The following NT5M variants were observed in gnomAD, a reference collection of about 807,000 sequenced individuals.
The protein encoded by NT5M is 5',3'-nucleotidase, mitochondrial, also known as 5'(3')-deoxyribonucleotidase, mitochondrial.
In NT5M, 22 loss-of-function variants were observed where a neutral mutation model predicts 22.2. That is an observed-to-expected ratio of 0.99 (90% CI 0.71 to 1.41). The LOEUF is 1.41. Ranked by LOEUF, NT5M falls within the 40% of genes most tolerant of loss-of-function variation. The pLI is 0.00. For missense variants in NT5M, 322 were observed against 314.8 expected, an observed-to-expected ratio of 1.02 and a Z score of -0.17; for synonymous variants, 167 against 133.0, an observed-to-expected ratio of 1.26 and a Z score of -1.76.
chr17:17,323,828 T>G (rs1295770565), intron 3 of NT5M, among the ~76,000 whole-genome samples: 1 of 152,148 alleles, frequency 6.6e-6, no homozygotes, highest in African/African-American at 2.4e-5. Flanking sequence ...CGTCAAACCT[T>G]CAGGCATGAG....
In NT5M at chr17:17,340,528, C is replaced by CT. The variant is rs566501477; in HGVS notation, c.430-4256dup. Reference sequence around the variant, plus strand: ...TTATTTCTTTTCTTTCCTTTCTTTTCTTTTTTTTTTAATTTTGAGATGGAG... The same window carrying CT: ...TTATTTCTTTTCTTTCCTTTCTTTTCTTTTTTTTTTTAATTTTGAGATGGAG... On this transcript the variant is annotated intron_variant, in intron 3 of 4. Coordinates refer to ENST00000389022, the MANE Select transcript of NT5M (RefSeq NM_020201.4). Among the ~76,000 whole-genome samples, 486 of 146,846 alleles carry CT rather than the reference C, an allele frequency of 3.3e-3. 8 individuals carry two copies. In the South Asian group the frequency reaches 0.046, roughly 14 times the overall value.
chr17:17,326,447 C>A (rs1379426780), intron 3 of NT5M, among the ~76,000 whole-genome samples: 1 of 152,200 alleles, frequency 6.6e-6, no homozygotes, highest in Non-Finnish European at 1.5e-5. Flanking sequence ...ACAGTAACAT[C>A]AACAGGCTCT....
rs1053102626 is a variant in NT5M, at chr17:17,317,731, A to T, written c.369-5454A>T. Among the ~76,000 whole-genome samples, 10 of 151,522 alleles carry T rather than the reference A, an allele frequency of 6.6e-5. No homozygotes were observed. In the East Asian group the frequency reaches 1.8e-3, roughly 27 times the overall value. On this transcript the variant is annotated intron_variant, in intron 2 of 4. Transcript: ENST00000389022. ...TGTTATCCCAGCACTTTGGAAGGCC[A>T]TGGAGGGCGAATCACCTGAGGTCAA...
Position 17,339,984 on chromosome 17 carries a change from G to A in NT5M, c.430-4810G>A, listed in dbSNP as rs949554702. On this transcript the variant is annotated intron_variant, in intron 3 of 4. Coordinates refer to ENST00000389022, the MANE Select transcript of NT5M (RefSeq NM_020201.4). The stretch of plus-strand genomic sequence containing the variant: ...TTTTGTCTGGTTTTGGTATCACGGT[G>A]ATACTGGCTTCATAGAATGAGTTTG... Among the ~76,000 whole-genome samples, 12 of 152,148 alleles carry A rather than the reference G, an allele frequency of 7.9e-5. No individual in the cohort carries two copies. The East Asian group carries it at 2.3e-3, about 29-fold the overall frequency.
chr17:17,304,220 C>A, intron 1 of NT5M: 1 of 227,698 alleles, frequency 4.4e-6, no homozygotes, highest in Non-Finnish European at 7.3e-6. Context: ...GGTGTCTTTA[C>A]CCATCTTTTT....
chr17:17,340,488 C>T (rs1048834088), intron 3 of NT5M, among the ~76,000 whole-genome samples: 8 of 151,206 alleles, frequency 5.3e-5, no homozygotes, highest in African/African-American at 1.9e-4. Flanking sequence ...TCATTTATTT[C>T]TGCTCTGATT....
At position 17,344,849 on chromosome 17, in the gene NT5M, C is replaced by A; in HGVS notation, c.485C>A (p.Thr162Asn). 1 of 1,614,210 alleles carries A rather than the reference C, an allele frequency of 6.2e-7. No individual in the cohort carries two copies. The highest frequency in any genetic ancestry group is 8.5e-7 in the Non-Finnish European group (1 of 1,180,008). The change falls in exon 4 of 5, where the codon ACC becomes AAC. Residue 162 changes from threonine (T) to asparagine (N), a missense_variant. By Grantham distance (65) the Thr-to-Asn change is moderately conservative. Transcript: ENST00000389022. The part of the protein sequence containing the change: ...GPDFLEQIVL[T>N]RDKTVVSADL... ...GACTTTCTGGAGCAGATTGTGCTGA[C>A]CAGAGACAAGACCGTGGTCTCTGCT...
Position 17,303,604 on chromosome 17 carries a change from C to CGCGGG in NT5M, c.59_63dup (p.Arg22GlyfsTer69), listed in dbSNP as rs1322043632. 4.1e-6 allele frequency: 5 copies of CGCGGG among 1,232,714 alleles called. No homozygotes were observed. The highest frequency in any genetic ancestry group is 5.1e-6 in the Non-Finnish European group (5 of 982,790). The allele number at this position is 1,232,714 out of a possible 1,614,324, so 76.4% of individuals were successfully genotyped here. A position where few individuals can be genotyped will look rare whatever the true frequency, so the allele number is the denominator to read the frequency against. On this transcript the variant is annotated frameshift_variant, in exon 1 of 5. Transcript: ENST00000389022. LOFTEE classifies it high-confidence loss of function. Reference sequence around the variant, plus strand: ...GGCGGCTCTGCAGCGCGGCGGTTCCCGCGGGGCGGCGCGGGGCGGCGGGCG... The same window carrying CGCGGG: ...GGCGGCTCTGCAGCGCGGCGGTTCCCGCGGGGCGGGGCGGCGCGGGGCGGCGGGCG...
At chr17:17,320,706 A>G (rs186559176) in intron 2 of NT5M, among the ~76,000 whole-genome samples, 12 of 152,150 alleles carry the variant, frequency 7.9e-5, no homozygotes, top group Non-Finnish European at 2.9e-5. Flanking sequence ...GCAGGAGTGC[A>G]GGCTGAGAGC....
At chr17:17,339,585 T>C (rs1278189790) in intron 3 of NT5M, among the ~76,000 whole-genome samples, 1 of 152,214 alleles carries the variant, frequency 6.6e-6, no homozygotes, top group Non-Finnish European at 1.5e-5. Context: ...TTTTCCCCAT[T>C]CAGTATGATA....
chr17:17,334,110 GGTGT>G (rs1372453425), intron 3 of NT5M, among the ~76,000 whole-genome samples: 3 of 152,020 alleles, frequency 2.0e-5, no homozygotes, highest in Non-Finnish European at 4.4e-5. Flanking sequence ...TGGGATTACA[GGTGT>G]GAGACACCGT....
At chr17:17,319,270 C>T (rs1414006650) in intron 2 of NT5M, among the ~76,000 whole-genome samples, 1 of 151,930 alleles carries the variant, frequency 6.6e-6, no homozygotes, top group East Asian at 1.9e-4. Flanking sequence ...TAGGCAGCCC[C>T]TGGTTCCCCG....
intron 3 of NT5M, among the ~76,000 whole-genome samples, chr17:17,340,888 CT>C (rs2049629529): frequency 6.6e-6 from 1 of 151,874 alleles, no homozygotes; most frequent in Non-Finnish European, 1.5e-5. Flanking sequence ...TTTTCTTCTT[CT>C]TTTTTTATTT....
intron 3 of NT5M, among the ~76,000 whole-genome samples, chr17:17,343,548 G>A (rs60566375): frequency 0.052 from 7,870 of 152,162 alleles, 263 homozygotes; most frequent in East Asian, 0.094. Context: ...ACCTCCAACT[G>A]GAAGAAAGCC....
chr17:17,336,790 C>T (rs1236184382), intron 3 of NT5M, among the ~76,000 whole-genome samples: 1 of 152,044 alleles, frequency 6.6e-6, no homozygotes, highest in Non-Finnish European at 1.5e-5. Flanking sequence ...ACCTCTTGAT[C>T]CACCCTCCTC....
In NT5M at chr17:17,325,488, G is replaced by A. The variant is rs549986770; in HGVS notation, c.429+2243G>A. On this transcript the variant is annotated intron_variant, in intron 3 of 4. Coordinates refer to ENST00000389022, the MANE Select transcript of NT5M (RefSeq NM_020201.4). ...TCCCATGTCCCATGGGACCGATTTC[G>A]AAAACGTGCCTGGCACCTGTCTGCT... 2.6e-5 allele frequency among the ~76,000 whole-genome samples: 4 copies of A among 152,158 alleles called. No individual in the cohort carries two copies. The East Asian group carries it at 5.8e-4, about 22-fold the overall frequency.
chr17:17,339,116 A>G (rs2049586951), intron 3 of NT5M, among the ~76,000 whole-genome samples: 1 of 152,228 alleles, frequency 6.6e-6, no homozygotes, highest in Admixed American at 6.5e-5. Flanking sequence ...CTTCTAATCC[A>G]TGGACATGGA....
At chr17:17,340,289 G>A (rs949990505) in intron 3 of NT5M, among the ~76,000 whole-genome samples, 16 of 152,040 alleles carry the variant, frequency 1.1e-4, no homozygotes, top group Admixed American at 2.0e-4. Context: ...AGTAGCCACC[G>A]ATGATTGTTT....
At chr17:17,308,694 C>T (rs138949459) in intron 2 of NT5M, among the ~76,000 whole-genome samples, 14 of 152,316 alleles carry the variant, frequency 9.2e-5, no homozygotes, top group African/African-American at 2.9e-4. Context: ...ATCATATCCG[C>T]TTCAGAGCTT....
Sources: allele counts gnomAD v4.1 joint callset (sites outside exome capture counted in the v4.1 genomes callset), GRCh38; gene constraint gnomAD v4.1.1; transcripts MANE v1.5; gene names NCBI Gene and HGNC (gene_info 2026-07-23, HGNC 2026-07-21).